AMPH: variants seen among roughly 807,000 people sequenced by gnomAD.
The protein encoded by AMPH is amphiphysin.
AMPH carries 49 observed loss-of-function variants against 99.1 expected under a neutral mutation model. That is an observed-to-expected ratio of 0.49 (90% confidence interval 0.39 to 0.63). The LOEUF is 0.63. Ranked by LOEUF, AMPH falls within the 20% of genes least tolerant of loss-of-function variation. The pLI is 0.00. For missense variants in AMPH, 759 were observed against 863.4 expected, an observed-to-expected ratio of 0.88 and a Z score of 1.52; for synonymous variants, 314 against 317.3, an observed-to-expected ratio of 0.99 and a Z score of 0.11.
chr7:38,519,782 T>C (rs914626495), intron 2 of AMPH, among the ~76,000 whole-genome samples: 18 of 152,106 alleles, frequency 1.2e-4, no homozygotes, highest in African/African-American at 4.3e-4. Flanking sequence ...AAAAGAGGTA[T>C]AGTAAATGAC....
intron 17 of AMPH, among the ~76,000 whole-genome samples, chr7:38,416,102 A>AAT (rs5883648): frequency 0.043 from 4,297 of 100,410 alleles, 388 homozygotes; most frequent in African/African-American, 0.085. Flanking sequence ...CAAACATATG[A>AAT]ATATATATAT....
intron 11 of AMPH, among the ~76,000 whole-genome samples, chr7:38,443,592 AG>A (rs1183876100): frequency 6.6e-6 from 1 of 152,156 alleles, no homozygotes; most frequent in African/African-American, 2.4e-5. Flanking sequence ...CAAACTATAA[AG>A]AAAACTCATA....
Position 38,422,469 on chromosome 7 carries a change from A to G in AMPH, c.1224T>C (p.Asp408=), listed in dbSNP as rs200238651. Reference sequence around the variant, plus strand: ...CTGTCTGCATTGTGAATAATGAAGTATCCTGGGGCTGAAAATCAAGGATAA... The same window carrying G: ...CTGTCTGCATTGTGAATAATGAAGTGTCCTGGGGCTGAAAATCAAGGATAA... ...GSFNGFTQPQ[D]TSLFTMQTDQ... Residue 408 remains aspartate (D), a synonymous_variant, in exon 16 of 21, where the codon GAT becomes GAC. Coordinates refer to ENST00000356264, the MANE Select transcript of AMPH (RefSeq NM_001635.4). 6.2e-6 allele frequency: 10 copies of G among 1,613,166 alleles called. No homozygotes were observed. Among genetic ancestry groups the G allele is most frequent in the Non-Finnish European group, 8.5e-6 (10 of 1,179,310 alleles).
Position 38,496,229 on chromosome 7 carries a change from T to C in AMPH, c.206-1702A>G, listed in dbSNP as rs879852177. On this transcript the variant is annotated intron_variant, in intron 3 of 20. Transcript: ENST00000356264. ...TTGCTGGATTGGAGGTAGCTAATTC[T>C]GGGTTCAACTGTGAGAGAAAAGGAC... Among the ~76,000 whole-genome samples the C allele has an allele frequency of 2.6e-5, 4 of 152,350 alleles. No individual in the cohort carries two copies. The East Asian group carries it at 5.8e-4, about 22-fold the overall frequency.
intron 11 of AMPH, among the ~76,000 whole-genome samples, chr7:38,436,817 T>C (rs574125017): frequency 2.0e-4 from 31 of 152,352 alleles, no homozygotes; most frequent in Admixed American, 1.7e-3. Flanking sequence ...GATGTTCTTC[T>C]GGGAAGCTAA....
chr7:38,396,554 G>C (rs536214540), intron 17 of AMPH, among the ~76,000 whole-genome samples: 10 of 152,344 alleles, frequency 6.6e-5, no homozygotes, highest in Middle Eastern at 6.8e-3. Context: ...GATTTCTCAT[G>C]AATTGTAACA....
intron 1 of AMPH, among the ~76,000 whole-genome samples, chr7:38,571,280 T>TACA (rs1562835243): frequency 2.7e-5 from 1 of 37,350 alleles, no homozygotes; most frequent in African/African-American, 1.2e-4. Context: ...TATATATATT[T>TACA]TTATATATAT....
chr7:38,491,179 T>C, intron 4 of AMPH, 34 bp from the exon 5 acceptor site: 1 of 1,414,440 alleles, frequency 7.1e-7, no homozygotes, highest in Non-Finnish European at 9.9e-7. Flanking sequence ...GCTGAATTAT[T>C]TTAATTGGAT....
At chr7:38,567,478 T>TA (rs375143032) in intron 1 of AMPH, among the ~76,000 whole-genome samples, 1 of 152,130 alleles carries the variant, frequency 6.6e-6, no homozygotes, top group African/African-American at 2.4e-5. Context: ...GTGGCACATA[T>TA]ATACCTATGT....
intron 2 of AMPH, among the ~76,000 whole-genome samples, chr7:38,516,457 T>A (rs1223706972): frequency 2.0e-5 from 3 of 152,212 alleles, no homozygotes; most frequent in Admixed American, 2.0e-4. Context: ...GTGTTATGCC[T>A]GTAGGTATGC....
At chr7:38,520,496 C>T (rs986127391) in intron 2 of AMPH, among the ~76,000 whole-genome samples, 4 of 152,274 alleles carry the variant, frequency 2.6e-5, no homozygotes, top group Middle Eastern at 3.4e-3. Flanking sequence ...AGGCACCTAG[C>T]AAGTACTAGA....
intron 1 of AMPH, among the ~76,000 whole-genome samples, chr7:38,585,271 CT>C (rs1792604205): frequency 6.6e-6 from 1 of 152,160 alleles, no homozygotes; most frequent in Admixed American, 6.5e-5. Context: ...CAGTGCCAGA[CT>C]CAGGTCTGAC....
Position 38,486,898 on chromosome 7 carries a change from A to C in AMPH, c.396+4152T>G, listed in dbSNP as rs374043469. ...ATTATCCTTTCACGATAAAATGCTC[A>C]GCAAACTAGAAATAGAGGGAAAGTA... On this transcript the variant is annotated intron_variant, in intron 5 of 20. Transcript: ENST00000356264. Among the ~76,000 whole-genome samples, 32 of 152,274 alleles carry C rather than the reference A, an allele frequency of 2.1e-4. No homozygotes were observed. In the East Asian group the frequency reaches 4.4e-3, roughly 21 times the overall value.
chr7:38,437,625 C>CAAAAAAA (rs70977404), intron 11 of AMPH, among the ~76,000 whole-genome samples: 18 of 94,798 alleles, frequency 1.9e-4, no homozygotes, highest in East Asian at 3.4e-4. Context: ...ACTAAAAATA[C>CAAAAAAA]AAAAAAAAAA....
intron 3 of AMPH, among the ~76,000 whole-genome samples, chr7:38,502,455 T>C (rs1789172341): frequency 1.3e-5 from 2 of 152,214 alleles, no homozygotes; most frequent in South Asian, 4.2e-4. Flanking sequence ...ACCGAGAGAT[T>C]AATTCCTTGT....
At chr7:38,437,639 A>AAAAAAAAAAAAAAAAAAGAAAAG (rs765494380) in intron 11 of AMPH, among the ~76,000 whole-genome samples, 210 of 96,684 alleles carry the variant, frequency 2.2e-3, no homozygotes, top group East Asian at 6.0e-3. Context: ...AAAAAAAAAA[A>AAAAAAAAAAAAAAAAAAGAAAAG]AAAAGAAAAG....
At chr7:38,571,023 ATATATT>A (rs1562834552) in intron 1 of AMPH, among the ~76,000 whole-genome samples, 3 of 39,234 alleles carry the variant, frequency 7.6e-5, no homozygotes, top group African/African-American at 2.0e-4. Flanking sequence ...ATATATATTC[ATATATT>A]GAATATATAT....
At chr7:38,583,592 G>T (rs1415209963) in intron 1 of AMPH, among the ~76,000 whole-genome samples, 1 of 152,194 alleles carries the variant, frequency 6.6e-6, no homozygotes, top group Non-Finnish European at 1.5e-5. Context: ...GTACAGGATA[G>T]ACATATTCTA....
chr7:38,467,114 G>A (rs537683694), intron 7 of AMPH, among the ~76,000 whole-genome samples: 5 of 152,298 alleles, frequency 3.3e-5, no homozygotes, highest in South Asian at 4.1e-4. Context: ...CCTCCACAGT[G>A]TGTTTGGGAA....
Sources: gnomAD v4.1 joint callset for allele counts (sites outside exome capture counted in the v4.1 genomes callset) on GRCh38, gnomAD v4.1.1 for gene constraint, MANE v1.5 for transcripts, NCBI Gene and HGNC (gene_info 2026-07-23, HGNC 2026-07-21) for gene names.